The following STXBP3 variants were observed in gnomAD, a reference collection of about 807,000 sequenced individuals.
STXBP3 encodes syntaxin-binding protein 3.
A neutral mutation model predicts 85.7 loss-of-function variants in STXBP3; 41 were observed. The ratio of observed to expected loss-of-function variants is 0.48; its 90% CI spans 0.37 to 0.62. STXBP3 has a LOEUF of 0.62. Ranked by LOEUF, STXBP3 falls within the 20% of genes least tolerant of loss-of-function variation. The pLI is 0.00. For synonymous variants in STXBP3, 229 were observed against 231.7 expected (o/e 0.99, Z 0.10); for missense variants, 563 against 703.1 (o/e 0.80, Z 2.25).
At chr1:108,786,834 G>A (rs1167252992) in intron 11 of STXBP3, among the ~76,000 whole-genome samples, 1 of 152,110 alleles carries the variant, frequency 6.6e-6, no homozygotes, top group African/African-American at 2.4e-5. Flanking sequence ...AATTTTGATT[G>A]GGATTACATG....
In STXBP3 at chr1:108,772,296, A is replaced by ATATC. The variant is rs775448298; in HGVS notation, c.439-367_439-364dup. Among the ~76,000 whole-genome samples, 21 of 57,012 alleles carry ATATC rather than the reference A, an allele frequency of 3.7e-4. 9 individuals carry two copies. Among genetic ancestry groups the ATATC allele is most frequent in the African/African-American group, 1.6e-3 (19 of 11,922 alleles). 37.4% of individuals were successfully genotyped at this position (57,012 alleles called of 152,430 possible). A position where few individuals can be genotyped will look rare whatever the true frequency, so the allele number is the denominator to read the frequency against. ...TCTGTATCATATATAAATACATATG[A>ATATC]TATCTGTATCATATATAAATACATA... On this transcript the variant is annotated intron_variant, in intron 6 of 18. Coordinates refer to ENST00000370008, the MANE Select transcript of STXBP3 (RefSeq NM_007269.4).
At chr1:108,754,206 T>C (rs1377434298) in intron 3 of STXBP3, among the ~76,000 whole-genome samples, 1 of 151,950 alleles carries the variant, frequency 6.6e-6, no homozygotes, top group Admixed American at 6.6e-5. Flanking sequence ...CTAATTTGTA[T>C]ATTTTCTTGG....
At chr1:108,747,021 C>T (rs754559127) in intron 1 of STXBP3, among the ~76,000 whole-genome samples, 75 of 151,964 alleles carry the variant, frequency 4.9e-4, no homozygotes, top group South Asian at 1.0e-3. Context: ...GGCACCCCCT[C>T]GCCTCGGCCG....
chr1:108,809,040 A>T lies in STXBP3; in HGVS notation c.*163A>T, dbSNP rs1359224168. ...GTTTATGATTATTACTGGATTTGTC[A>T]TTTTTGATAATTTAAATATTGCTGC... On this transcript the variant is annotated 3_prime_UTR_variant, in exon 19 of 19. Transcript: ENST00000370008. 1 of 526,074 alleles carries T rather than the reference A, an allele frequency of 1.9e-6. No homozygotes were observed. The highest frequency in any genetic ancestry group is 2.0e-5 in the African/African-American group (1 of 50,162). The allele number at this position is 526,074 out of a possible 1,614,324, so 32.6% of individuals were successfully genotyped here. A position where few individuals can be genotyped will look rare whatever the true frequency, so the allele number is the denominator to read the frequency against.
At position 108,776,509 on chromosome 1, in the gene STXBP3, A is replaced by G. The variant is rs954733601; in HGVS notation, c.684+86A>G. 1.8e-5 allele frequency: 18 copies of G among 993,668 alleles called. No homozygotes were observed. The African/African-American group carries it at 2.1e-4, about 12-fold the overall frequency. The allele number at this position is 993,668 out of a possible 1,614,324, so 61.6% of individuals were successfully genotyped here. On this transcript the variant is annotated intron_variant, in intron 8 of 18. Coordinates refer to ENST00000370008, the MANE Select transcript of STXBP3 (RefSeq NM_007269.4). ...AAAGAAACTTGCTCATTCATTTTCT[A>G]GTATTGATTTGGGAGTCATTAACAT... is the stretch of plus-strand genomic sequence containing the variant.
chr1:108,775,159 A>G (rs931442554), intron 7 of STXBP3, among the ~76,000 whole-genome samples: 1 of 152,056 alleles, frequency 6.6e-6, no homozygotes, highest in Admixed American at 6.6e-5. Context: ...ATGTTACATT[A>G]TTTATTTTTA....
chr1:108,752,859 C>G (rs1661932886), intron 2 of STXBP3, among the ~76,000 whole-genome samples: 1 of 152,084 alleles, frequency 6.6e-6, no homozygotes, highest in South Asian at 2.1e-4. Flanking sequence ...AGAAATATTT[C>G]TGTTTGTTTA....
At chr1:108,785,868 A>G (rs939210447) in intron 11 of STXBP3, among the ~76,000 whole-genome samples, 1 of 152,226 alleles carries the variant, frequency 6.6e-6, no homozygotes, top group Non-Finnish European at 1.5e-5. Flanking sequence ...GAAGTTTATC[A>G]TCTCCAGCTG....
chr1:108,786,711 T>G (rs1295544008), intron 11 of STXBP3, among the ~76,000 whole-genome samples: 1 of 152,206 alleles, frequency 6.6e-6, no homozygotes, highest in East Asian at 1.9e-4. Context: ...TGAAATTTGG[T>G]AGTATAAGTC....
At chr1:108,761,988 T>G (rs6685792) in intron 6 of STXBP3, among the ~76,000 whole-genome samples, 107,055 of 151,832 alleles carry the variant, frequency 0.71, 38,709 homozygotes, top group Non-Finnish European at 0.77. Context: ...AAAAAAGAGG[T>G]TCTACTTAAT....
At chr1:108,787,150 C>CT (rs1271877488) in intron 11 of STXBP3, among the ~76,000 whole-genome samples, 1 of 151,904 alleles carries the variant, frequency 6.6e-6, no homozygotes, top group Non-Finnish European at 1.5e-5. Context: ...TATAGATTGG[C>CT]TTTTTTGTTT....
At chr1:108,801,284 T>C (rs1310044464) in intron 17 of STXBP3, among the ~76,000 whole-genome samples, 1 of 152,188 alleles carries the variant, frequency 6.6e-6, no homozygotes, top group Non-Finnish European at 1.5e-5. Flanking sequence ...ATGTTTTTTT[T>C]TCCCCCAAGT....
intron 1 of STXBP3, among the ~76,000 whole-genome samples, chr1:108,748,051 ATTTTCCTTC>A (rs1282827129): frequency 6.6e-6 from 1 of 151,990 alleles, no homozygotes; most frequent in Non-Finnish European, 1.5e-5. Context: ...CCTTTTTCAC[ATTTTCCTTC>A]TGATCCTCAT....
Position 108,758,460 on chromosome 1 carries a change from T to C in STXBP3, c.259-50T>C, listed in dbSNP as rs775441394. ...CTTAGTCATTTCAAAAGGTAACATA[T>C]TTAAATTAATATTTAATAAAATGTG... On this transcript the variant is annotated intron_variant, in intron 4 of 18. Coordinates refer to ENST00000370008, the MANE Select transcript of STXBP3 (RefSeq NM_007269.4). 1.6e-4 allele frequency: 153 copies of C among 946,598 alleles called. 1 individual carries two copies. In the Admixed American group the frequency reaches 1.9e-3, roughly 12 times the overall value. The allele number at this position is 946,598 out of a possible 1,614,324, so 58.6% of individuals were successfully genotyped here. A position where few individuals can be genotyped will look rare whatever the true frequency, so the allele number is the denominator to read the frequency against.
chr1:108,763,619 A>G (rs1570751531), intron 6 of STXBP3, among the ~76,000 whole-genome samples: 1 of 152,126 alleles, frequency 6.6e-6, no homozygotes, highest in African/African-American at 2.4e-5. Context: ...CTTGTTACCC[A>G]GGCTGGGGTG....
At chr1:108,768,076 G>A (rs528858061) in intron 6 of STXBP3, among the ~76,000 whole-genome samples, 5 of 152,192 alleles carry the variant, frequency 3.3e-5, no homozygotes, top group Non-Finnish European at 5.9e-5. Context: ...GAAAAGGGGA[G>A]GATGTTTGTT....
chr1:108,798,798 A>G (rs990069891), intron 16 of STXBP3, among the ~76,000 whole-genome samples: 1 of 152,246 alleles, frequency 6.6e-6, no homozygotes. Flanking sequence ...TATGCTTTAT[A>G]AAAAATACTG....
At chr1:108,778,136 A>C (rs1662627166) in intron 8 of STXBP3, among the ~76,000 whole-genome samples, 1 of 152,198 alleles carries the variant, frequency 6.6e-6, no homozygotes, top group African/African-American at 2.4e-5. Context: ...ATACTGTCTC[A>C]AAATTTAATT....
chr1:108,783,036 T>C (rs1376662592), intron 11 of STXBP3, among the ~76,000 whole-genome samples: 1 of 152,202 alleles, frequency 6.6e-6, no homozygotes, highest in African/African-American at 2.4e-5. Flanking sequence ...ATTACTGGTG[T>C]GCACCACCAC....
Sources: allele counts gnomAD v4.1 joint callset (sites outside exome capture counted in the v4.1 genomes callset), GRCh38; gene constraint gnomAD v4.1.1; transcripts MANE v1.5; gene names NCBI Gene and HGNC (gene_info 2026-07-23, HGNC 2026-07-21).